Variants in KAT5 observed in about 807,000 individuals in gnomAD.
KAT5 encodes the protein histone acetyltransferase KAT5.
In KAT5, 31 loss-of-function variants were observed where a neutral mutation model predicts 68.1. The observed-to-expected ratio is 0.46, with a 90% CI of 0.34 to 0.61. The LOEUF is 0.61. KAT5 is among the 20% of genes least tolerant of loss of function. The pLI is 0.01. For synonymous variants in KAT5, 365 were observed against 292.6 expected, an observed-to-expected ratio of 1.25 and a Z score of -2.52; for missense variants, 451 against 725.5, an observed-to-expected ratio of 0.62 and a Z score of 4.35.
chr11:65,718,492 T>TTAAAA, intron 10 of KAT5, 98 bp from the exon 11 acceptor site: 1 of 1,279,886 alleles, frequency 7.8e-7, no homozygotes, highest in South Asian at 1.4e-5. Flanking sequence ...AGGGCCATGA[T>TTAAAA]AGGAACTAGG....
chr11:65,712,917 T>C lies in KAT5; in HGVS notation c.248-5T>C. On this transcript the variant is annotated splice_polypyrimidine_tract_variant and splice_region_variant and intron_variant, in intron 2 of 12. Coordinates refer to ENST00000341318, the MANE Select transcript of KAT5 (RefSeq NM_182710.3). ...TTCTGTCCTGAGCCATCCCCACTGC[T>C]ACAGTCAACAAACGTCTGGATGAAT... is the stretch of plus-strand genomic sequence containing the variant. The C allele has an allele frequency of 6.2e-7, 1 of 1,614,128 alleles. No individual in the cohort carries two copies. Among genetic ancestry groups the C allele is most frequent in the Non-Finnish European group, 8.5e-7 (1 of 1,180,012 alleles).
At chr11:65,712,591 C>A in intron 1 of KAT5, 146 bp downstream of exon 1, 1 of 1,214,020 alleles carries the variant, frequency 8.2e-7, no homozygotes, top group Non-Finnish European at 1.2e-6. Flanking sequence ...CTTAGCTGCT[C>A]CGAGAGGTAC....
At chr11:65,717,322 C>T (rs1369028232) in intron 10 of KAT5, 4 of 410,734 alleles carry the variant, frequency 9.7e-6, no homozygotes, top group Admixed American at 3.9e-5. Context: ...TGCCATGATA[C>T]GAGTACTGGG....
chr11:65,713,732 C>T, intron 5 of KAT5, 42 bp from the exon 6 acceptor site: 5 of 1,613,462 alleles, frequency 3.1e-6, no homozygotes, highest in East Asian at 4.5e-5. Flanking sequence ...TTTTTTCAGG[C>T]TCATTTCACA....
At chr11:65,715,869 G>A (rs374245767) in intron 8 of KAT5, 3 of 151,936 alleles carry the variant, frequency 2.0e-5, no homozygotes, top group African/African-American at 7.2e-5. Flanking sequence ...CCAGAATTTC[G>A]AGACCAGCCT....
chr11:65,713,214 T>C, intron 3 of KAT5, 134 bp from the exon 4 acceptor site: 1 of 1,305,928 alleles, frequency 7.7e-7, no homozygotes, highest in Non-Finnish European at 1.1e-6. Flanking sequence ...GCTCCCAGAG[T>C]CCAGTAGCTA....
In KAT5 at chr11:65,716,856, C is replaced by T. The variant is rs200834852; in HGVS notation, c.1171-33C>T. 718 of 1,613,780 alleles carry T rather than the reference C, an allele frequency of 4.4e-4. 7 individuals carry two copies. In the South Asian group the frequency reaches 7.6e-3, roughly 17 times the overall value. ...CTGTGCCCTGTCCTGAGCCAGATCCCTTCCCTGACACTCACCTGTCCCCCT... is the reference window on the plus strand; with the variant it reads ...CTGTGCCCTGTCCTGAGCCAGATCCTTTCCCTGACACTCACCTGTCCCCCT... On this transcript the variant is annotated intron_variant, in intron 9 of 12. Coordinates refer to ENST00000341318, the MANE Select transcript of KAT5 (RefSeq NM_182710.3).
Position 65,713,416 on chromosome 11 carries a change from G to C in KAT5, c.453G>C (p.Leu151=). The C allele has an allele frequency of 6.2e-7, 1 of 1,613,992 alleles. No individual in the cohort carries two copies. Among genetic ancestry groups the C allele is most frequent in the Non-Finnish European group, 8.5e-7 (1 of 1,179,998 alleles). The change falls in exon 4 of 13, where the codon CTG becomes CTC. Residue 151 remains leucine (L), a synonymous_variant. Coordinates refer to ENST00000341318, the MANE Select transcript of KAT5 (RefSeq NM_182710.3). The stretch of plus-strand genomic sequence containing the variant: ...TCCAGATCACACTCCGCTTCAACCT[G>C]CCCAAGGAGCGGGAGGCCATTCCCG... The part of the protein sequence containing the change: ...IPVQITLRFN[L]PKEREAIPGG...
chr11:65,713,078 C>T lies in KAT5; in HGVS notation c.384+20C>T, dbSNP rs1857077786. ...GAGGTGGTGAGTAGGTCCCCCACTTCACCTTTTCTCTCCTGCCTCCTATTT... is the reference window on the plus strand; with the variant it reads ...GAGGTGGTGAGTAGGTCCCCCACTTTACCTTTTCTCTCCTGCCTCCTATTT... On this transcript the variant is annotated intron_variant, in intron 3 of 12. Coordinates refer to ENST00000341318, the MANE Select transcript of KAT5 (RefSeq NM_182710.3). 4 of 1,611,942 alleles carry T rather than the reference C, an allele frequency of 2.5e-6. No homozygotes were observed. The highest frequency in any genetic ancestry group is 2.5e-6 in the Non-Finnish European group (3 of 1,179,824).
intron 1 of KAT5, 46 bp downstream of exon 1, chr11:65,712,491 G>A: frequency 6.4e-7 from 1 of 1,566,712 alleles, no homozygotes; most frequent in Non-Finnish European, 8.6e-7. Flanking sequence ...AGGGCGAGGG[G>A]CGGGAGTCAA....
rs1307610850 is a variant in KAT5, at chr11:65,712,363, C to T, written c.96C>T (p.Val32=). The part of the protein sequence containing the change: ...ARGPPVADPG[V]ALSPQGEIIE... ...GCCCCCCAGTAGCCGACCCTGGCGT[C>T]GCGCTGTCTCCCCAGGGGGAGATAA... Residue 32 remains valine, a synonymous_variant, in exon 1 of 13, where the codon GTC becomes GTT. Coordinates refer to ENST00000341318, the MANE Select transcript of KAT5 (RefSeq NM_182710.3). The T allele has an allele frequency of 1.3e-6, 2 of 1,542,952 alleles. No individual in the cohort carries two copies. The highest frequency in any genetic ancestry group is 1.7e-6 in the Non-Finnish European group (2 of 1,155,402).
chr11:65,712,136 T>C (rs1356575885), upstream of KAT5: 2 of 890,056 alleles, frequency 2.2e-6, no homozygotes, highest in Non-Finnish European at 3.2e-6. Flanking sequence ...GTCTTGCCCC[T>C]CGCAGCTGGG....
chr11:65,714,290 A>G (rs1262949433), intron 6 of KAT5: 14 of 615,848 alleles, frequency 2.3e-5, no homozygotes, highest in Non-Finnish European at 2.8e-5. Flanking sequence ...CTGAGACTCC[A>G]TCTAAAAAAT....
At chr11:65,712,236 A>G, upstream of KAT5, 1 of 1,398,248 alleles carries the variant, frequency 7.2e-7, no homozygotes, top group Non-Finnish European at 9.3e-7. Context: ...CGTCTCCCAG[A>G]GGGGCCGGAA....
Position 65,716,761 on chromosome 11 carries a change from C to A in KAT5, c.1124C>A (p.Thr375Lys). ...DTDPFLFYVM[T>K]EYDCKGFHIV... ...GACCCTTTCCTCTTCTACGTCATGA[C>A]AGAGTATGACTGTAAGGGCTTCCAC... The change falls in exon 9 of 13, where the codon ACA becomes AAA. Residue 375 changes from threonine (T) to lysine (K), a missense_variant. Physicochemically the swap from Thr to Lys is moderately conservative, Grantham distance 78. This residue lies in a region of KAT5 where 210 missense variants were observed against 423.7 expected (regional missense o/e 0.50). Coordinates refer to ENST00000341318, the MANE Select transcript of KAT5 (RefSeq NM_182710.3). 1 of 1,613,902 alleles carries A rather than the reference C, an allele frequency of 6.2e-7. No homozygotes were observed. Among genetic ancestry groups the A allele is most frequent in the Non-Finnish European group, 8.5e-7 (1 of 1,179,774 alleles).
chr11:65,715,034 T>C, intron 8 of KAT5, 124 bp downstream of exon 8: 1 of 802,662 alleles, frequency 1.2e-6, no homozygotes, highest in East Asian at 2.7e-5. Flanking sequence ...GTTCCTGCTG[T>C]CTGGCAGGTG....
intron 8 of KAT5, chr11:65,716,443 A>G (rs554035549): frequency 1.1e-5 from 6 of 568,466 alleles, no homozygotes; most frequent in Middle Eastern, 9.4e-4. Flanking sequence ...GCAGGGAGGC[A>G]CTCAGACACC....
Position 65,719,534 on chromosome 11 carries a change from G to A in KAT5, c.*353G>A. On this transcript the variant is annotated 3_prime_UTR_variant, in exon 13 of 13. Coordinates refer to ENST00000341318, the MANE Select transcript of KAT5 (RefSeq NM_182710.3). The stretch of plus-strand genomic sequence containing the variant: ...AAAGTAGAAGTTGGGGGTGGGGTGG[G>A]TGCTGGCTGCAAAAATTTCTGGCTT... 1 of 617,200 alleles carries A rather than the reference G, an allele frequency of 1.6e-6. No homozygotes were observed. The highest frequency in any genetic ancestry group is 2.9e-6 in the Non-Finnish European group (1 of 350,632). The allele number at this position is 617,200 out of a possible 1,614,324, so 38.2% of individuals were successfully genotyped here. A position where few individuals can be genotyped will look rare whatever the true frequency, so the allele number is the denominator to read the frequency against.
At position 65,712,403 on chromosome 11, in the gene KAT5, C is replaced by T. The variant is rs755330780; in HGVS notation, c.136C>T (p.Leu46=). 2 of 1,588,262 alleles carry T rather than the reference C, an allele frequency of 1.3e-6. No homozygotes were observed. The highest frequency in any genetic ancestry group is 1.4e-5 in the African/African-American group (1 of 72,796). ...GGGGGAGATAATCGAGGGCTGCCGC[C>T]TACCCGTGCTGCGGCGGAACCAGGA... is the stretch of plus-strand genomic sequence containing the variant. The part of the protein sequence containing the change: ...PQGEIIEGCR[L]PVLRRNQDNE... The change falls in exon 1 of 13, where the codon CTA becomes TTA. Residue 46 remains leucine, a synonymous_variant. Transcript: ENST00000341318.
Sources: gnomAD v4.1 joint callset for allele counts on GRCh38, gnomAD v4.1.1 for gene constraint, gnomAD v4.1.1 regional missense constraint, MANE v1.5 for transcripts, NCBI Gene and HGNC (gene_info 2026-07-23, HGNC 2026-07-21) for gene names.